ETF1: variants seen among roughly 807,000 people sequenced by gnomAD.
ETF1 encodes eukaryotic translation termination factor 1.
ETF1 carries 4 observed loss-of-function variants against 55.1 expected under a neutral mutation model. The observed-to-expected ratio is 0.07, with a 90% CI of 0.04 to 0.17. ETF1 has a LOEUF of 0.17. Ranked by LOEUF, ETF1 falls within the 10% of genes least tolerant of loss-of-function variation. ETF1 has a pLI of 1.00. For synonymous variants in ETF1, 157 were observed against 182.3 expected (o/e 0.86, Z 1.12); for missense variants, 142 against 523.6 (o/e 0.27, Z 7.11).
intron 4 of ETF1, among the ~76,000 whole-genome samples, chr5:138,515,104 T>C (rs1251209516): frequency 6.6e-6 from 1 of 152,214 alleles, no homozygotes; most frequent in East Asian, 1.9e-4. Context: ...AATCCATCTT[T>C]AACAAACCAT....
chr5:138,512,262 T>TTTATATATATATATA (rs1764850195), intron 6 of ETF1, among the ~76,000 whole-genome samples: 1 of 16,122 alleles, frequency 6.2e-5, no homozygotes, highest in African/African-American at 2.4e-4. Context: ...ATATATATTT[T>TTTATATATATATATA]TTTTTTTTTT....
chr5:138,513,276 G>T, intron 5 of ETF1: 1 of 917,658 alleles, frequency 1.1e-6, no homozygotes, highest in Non-Finnish European at 1.3e-6. Context: ...CTGTCGCCCA[G>T]ACTGGAGTGC....
intron 2 of ETF1, among the ~76,000 whole-genome samples, chr5:138,524,257 G>A (rs1307788728): frequency 6.6e-6 from 1 of 151,902 alleles, no homozygotes; most frequent in Non-Finnish European, 1.5e-5. Flanking sequence ...GGAGTCTGAG[G>A]CACGAGAATC....
intron 4 of ETF1, among the ~76,000 whole-genome samples, chr5:138,515,504 G>A (rs149354452): frequency 1.6e-4 from 24 of 152,274 alleles, no homozygotes; most frequent in South Asian, 1.2e-3. Context: ...AAAATGACCC[G>A]TTAGGTAGAT....
intron 2 of ETF1, among the ~76,000 whole-genome samples, chr5:138,527,346 G>A (rs184754098): frequency 1.4e-3 from 210 of 152,298 alleles, no homozygotes; most frequent in Middle Eastern, 6.8e-3. Flanking sequence ...GGACAGTATG[G>A]TGTGTGCTCT....
rs1054015944 is a variant in ETF1, at chr5:138,511,875, A to AC, written c.733-272dup. On this transcript the variant is annotated intron_variant, in intron 6 of 10. Coordinates refer to ENST00000360541, the MANE Select transcript of ETF1 (RefSeq NM_004730.4). ...TAAGTTATTGTGGAGGAAAGGGGGG[A>AC]CCACTGGCTCCTGCCAAATAAGGTA... 3.0e-6 allele frequency: 3 copies of AC among 985,000 alleles called. No individual in the cohort carries two copies. In the African/African-American group the frequency reaches 5.3e-5, roughly 17 times the overall value. 61.0% of individuals were successfully genotyped at this position (985,000 alleles called of 1,614,324 possible).
chr5:138,540,861 G>A (rs1007587404), intron 2 of ETF1, among the ~76,000 whole-genome samples: 1 of 152,174 alleles, frequency 6.6e-6, no homozygotes, highest in Non-Finnish European at 1.5e-5. Context: ...CTAGTGGCTA[G>A]GTAACATGGG....
At chr5:138,541,068 G>C (rs1180339300) in intron 2 of ETF1, among the ~76,000 whole-genome samples, 1 of 152,168 alleles carries the variant, frequency 6.6e-6, no homozygotes, top group Non-Finnish European at 1.5e-5. Context: ...AAAGCAGTAA[G>C]AACAAATCCA....
intron 2 of ETF1, among the ~76,000 whole-genome samples, chr5:138,542,344 C>G (rs1359990137): frequency 2.0e-5 from 3 of 152,178 alleles, no homozygotes; most frequent in Non-Finnish European, 2.9e-5. Context: ...CTGGCCACCT[C>G]TGCTTCCCGT....
chr5:138,523,138 G>A (rs1420167110), intron 2 of ETF1, among the ~76,000 whole-genome samples: 4 of 152,184 alleles, frequency 2.6e-5, no homozygotes, highest in African/African-American at 9.7e-5. Flanking sequence ...GGGGGCCAAG[G>A]TGGGCGGATC....
intron 2 of ETF1, among the ~76,000 whole-genome samples, chr5:138,531,327 C>T (rs1765691196): frequency 6.6e-6 from 1 of 152,140 alleles, no homozygotes; most frequent in South Asian, 2.1e-4. Flanking sequence ...GTTCAAGGTG[C>T]CATCTTAAAA....
intron 2 of ETF1, chr5:138,541,428 C>G: frequency 1.2e-6 from 1 of 842,506 alleles, no homozygotes; most frequent in South Asian, 1.5e-5. Context: ...TGAGCACAAG[C>G]CCGTCACTGA....
intron 2 of ETF1, among the ~76,000 whole-genome samples, chr5:138,532,161 C>T (rs1765728924): frequency 6.6e-6 from 1 of 152,208 alleles, no homozygotes; most frequent in South Asian, 2.1e-4. Context: ...AGTTCCTCTT[C>T]AATTTCTACT....
chr5:138,509,819 C>T (rs933072189), intron 9 of ETF1, among the ~76,000 whole-genome samples: 4 of 142,226 alleles, frequency 2.8e-5, no homozygotes, highest in South Asian at 4.5e-4. Context: ...TGCTTGAACT[C>T]GGGAGGTGGA....
chr5:138,525,629 T>C (rs1186793432), intron 2 of ETF1, among the ~76,000 whole-genome samples: 2 of 152,048 alleles, frequency 1.3e-5, no homozygotes, highest in Admixed American at 1.3e-4. Context: ...TGATCTGATA[T>C]GAACCGAAGC....
chr5:138,515,139 G>T (rs1460366820), intron 4 of ETF1, among the ~76,000 whole-genome samples: 1 of 152,184 alleles, frequency 6.6e-6, no homozygotes, highest in Non-Finnish European at 1.5e-5. Flanking sequence ...ATTAAGACAT[G>T]AATATTGTGG....
At position 138,524,581 on chromosome 5, in the gene ETF1, TTTTG is replaced by T. The variant is rs1358812422; in HGVS notation, c.87-5718_87-5715del. Among the ~76,000 whole-genome samples, 2 of 146,464 alleles carry T rather than the reference TTTTG, an allele frequency of 1.4e-5. 1 individual carries two copies. Among genetic ancestry groups the T allele is most frequent in the Admixed American group, 1.4e-4 (2 of 14,812 alleles). ...AAAAAAAAAAAAATTTCTTTCCGTT[TTTTG>T]TTTTTTTTTTTGAGACAGAGTCTTG... is the stretch of plus-strand genomic sequence containing the variant. On this transcript the variant is annotated intron_variant, in intron 2 of 10. Coordinates refer to ENST00000360541, the MANE Select transcript of ETF1 (RefSeq NM_004730.4).
At chr5:138,521,806 A>C (rs1765243750) in intron 2 of ETF1, among the ~76,000 whole-genome samples, 1 of 152,232 alleles carries the variant, frequency 6.6e-6, no homozygotes, top group African/African-American at 2.4e-5. Context: ...CTGGGATTAC[A>C]GGCGTGAGCC....
At chr5:138,528,726 G>A (rs1480292163) in intron 2 of ETF1, among the ~76,000 whole-genome samples, 1 of 152,124 alleles carries the variant, frequency 6.6e-6, no homozygotes, top group Non-Finnish European at 1.5e-5. Context: ...TTAAGTTTCT[G>A]AATTTACCTT....
Sources: gnomAD v4.1 joint callset for allele counts (sites outside exome capture counted in the v4.1 genomes callset) on GRCh38, gnomAD v4.1.1 for gene constraint, MANE v1.5 for transcripts, NCBI Gene and HGNC (gene_info 2026-07-23, HGNC 2026-07-21) for gene names.